SENP5: variants seen among roughly 807,000 people sequenced by gnomAD.
SENP5 encodes the protein SUMO specific peptidase 5, also known as sentrin-specific protease 5.
In SENP5, 21 loss-of-function variants were observed where a neutral mutation model predicts 74.2. That is an observed-to-expected ratio of 0.28 (90% CI 0.20 to 0.41). The LOEUF (loss-of-function observed/expected upper bound fraction) is 0.41. Ranked by LOEUF, SENP5 falls within the 10% of genes least tolerant of loss-of-function variation. SENP5 has a pLI of 1.00. For missense variants in SENP5, 717 were observed against 889.1 expected (o/e 0.81, Z 2.46); for synonymous variants, 311 against 312.7 (o/e 0.99, Z 0.06).
At chr3:196,915,095 C>G (rs1309702936) in intron 6 of SENP5, among the ~76,000 whole-genome samples, 1 of 152,244 alleles carries the variant, frequency 6.6e-6, no homozygotes, top group Non-Finnish European at 1.5e-5. Flanking sequence ...ACCTGAGTTG[C>G]AGCTAGTTCC....
intron 1 of SENP5, among the ~76,000 whole-genome samples, chr3:196,881,640 C>T (rs555128535): frequency 6.6e-6 from 1 of 151,880 alleles, no homozygotes; most frequent in East Asian, 1.9e-4. Flanking sequence ...TTTAAGAGGT[C>T]TATATATTAG....
chr3:196,931,957 C>T lies in SENP5; in HGVS notation c.*1034C>T, dbSNP rs1355309688. On this transcript the variant is annotated 3_prime_UTR_variant, in exon 10 of 10. Coordinates refer to ENST00000323460, the MANE Select transcript of SENP5 (RefSeq NM_152699.5). The stretch of plus-strand genomic sequence containing the variant: ...GAAGGTAATAGAGACAACTTAGTCC[C>T]ATGGGAGCGCAGCAACCGTGTCAGG... 1 of 451,712 alleles carries T rather than the reference C, an allele frequency of 2.2e-6. No homozygotes were observed. 28.0% of individuals were successfully genotyped at this position (451,712 alleles called of 1,614,324 possible). A position where few individuals can be genotyped will look rare whatever the true frequency, so the allele number is the denominator to read the frequency against.
intron 1 of SENP5, among the ~76,000 whole-genome samples, chr3:196,877,594 C>A (rs1204196515): frequency 6.6e-6 from 1 of 152,094 alleles, no homozygotes; most frequent in Non-Finnish European, 1.5e-5. Flanking sequence ...TAAATCACAG[C>A]AACCAATAGA....
Position 196,930,860 on chromosome 3 carries a change from A to C in SENP5, c.2205A>C (p.Glu735Asp). The C allele has an allele frequency of 1.1e-5, 17 of 1,614,116 alleles. No homozygotes were observed. The highest frequency in any genetic ancestry group is 1.4e-5 in the Non-Finnish European group (17 of 1,179,982). ...AGCAGCCTTTCCAGTTTTCACAAGAAGACATGCCCCGAGTGCGGAAGAGGA... is the reference window on the plus strand; with the variant it reads ...AGCAGCCTTTCCAGTTTTCACAAGACGACATGCCCCGAGTGCGGAAGAGGA... ...ALEQPFQFSQEDMPRVRKRIY... is the reference protein window; with the variant it reads ...ALEQPFQFSQDDMPRVRKRIY... Residue 735 changes from glutamate to aspartate, a missense_variant, in exon 10 of 10, where the codon GAA (glutamate) becomes GAC (aspartate). Around this residue, in one of 4 missense-constraint regions of SENP5, gnomAD observed 85 missense variants for 188.9 expected, o/e 0.45. Coordinates refer to ENST00000323460, the MANE Select transcript of SENP5 (RefSeq NM_152699.5).
intron 6 of SENP5, among the ~76,000 whole-genome samples, chr3:196,910,526 T>C (rs1715080250): frequency 6.6e-6 from 1 of 151,488 alleles, no homozygotes; most frequent in South Asian, 2.1e-4. Context: ...TTTTGTATTT[T>C]TAGTAGACAC....
intron 5 of SENP5, among the ~76,000 whole-genome samples, chr3:196,902,786 C>T (rs1475580043): frequency 1.3e-5 from 2 of 152,224 alleles, no homozygotes; most frequent in African/African-American, 4.8e-5. Flanking sequence ...ATACTCTGTA[C>T]AGCCAGGGTA....
At chr3:196,922,274 CA>C (rs1715647891) in intron 6 of SENP5, among the ~76,000 whole-genome samples, 2 of 152,126 alleles carry the variant, frequency 1.3e-5, no homozygotes, top group Non-Finnish European at 2.9e-5. Flanking sequence ...AATCAAGGTG[CA>C]AAGAAGCTAA....
intron 1 of SENP5, among the ~76,000 whole-genome samples, chr3:196,884,285 G>C (rs1015619745): frequency 2.6e-5 from 4 of 152,218 alleles, no homozygotes; most frequent in Non-Finnish European, 5.9e-5. Context: ...CTCACCCAGT[G>C]ATGGTTCTGG....
At chr3:196,889,965 C>G (rs1191527561) in intron 2 of SENP5, among the ~76,000 whole-genome samples, 1 of 152,162 alleles carries the variant, frequency 6.6e-6, no homozygotes, top group Non-Finnish European at 1.5e-5. Flanking sequence ...GTTATCAAGC[C>G]AAAATTCTAA....
chr3:196,928,912 G>C (rs372466778), intron 8 of SENP5, among the ~76,000 whole-genome samples: 1 of 152,128 alleles, frequency 6.6e-6, no homozygotes, highest in Admixed American at 6.5e-5. Context: ...ACTGTTGGCC[G>C]GGCACAGTGG....
At chr3:196,927,977 T>TA (rs1715878938) in intron 8 of SENP5, 98 bp downstream of exon 8, 2 of 694,768 alleles carry the variant, frequency 2.9e-6, no homozygotes, top group Admixed American at 2.7e-5. Context: ...GTGACAGAGA[T>TA]ACCAAGGAGA....
chr3:196,899,657 T>C lies in SENP5; in HGVS notation c.1514-9T>C. The C allele has an allele frequency of 6.4e-7, 1 of 1,558,880 alleles. No homozygotes were observed. Among genetic ancestry groups the C allele is most frequent in the African/African-American group, 1.4e-5 (1 of 73,564 alleles). On this transcript the variant is annotated splice_polypyrimidine_tract_variant and intron_variant, in intron 2 of 9. Transcript: ENST00000323460. ...TCCATCTTAACTTTTCTTTCTTCCT[T>C]TATTTAAGGATTCCTAGATGAGGTT...
At chr3:196,929,001 G>A (rs1715920093) in intron 8 of SENP5, among the ~76,000 whole-genome samples, 1 of 152,086 alleles carries the variant, frequency 6.6e-6, no homozygotes, top group Non-Finnish European at 1.5e-5. Flanking sequence ...ACCAGCCTGG[G>A]CAACATGGTG....
In SENP5 at chr3:196,890,968, A is replaced by G. The variant is rs1714176122; in HGVS notation, c.1513+4274A>G. Among the ~76,000 whole-genome samples the G allele has an allele frequency of 2.0e-5, 3 of 152,244 alleles. No homozygotes were observed. The South Asian group carries it at 6.2e-4, about 31-fold the overall frequency. ...TCCAGATGGATTAAAAGTTTGGCTA[A>G]TTAAAACCAAATACACAGAAATGTG... On this transcript the variant is annotated intron_variant, in intron 2 of 9. Coordinates refer to ENST00000323460, the MANE Select transcript of SENP5 (RefSeq NM_152699.5).
At chr3:196,885,079 C>T in intron 1 of SENP5, 72 bp from the exon 2 acceptor site, 2 of 838,854 alleles carry the variant, frequency 2.4e-6, no homozygotes, top group Non-Finnish European at 3.7e-6. Context: ...AATTTTCTGC[C>T]TTAGTTACTG....
intron 6 of SENP5, 90 bp downstream of exon 6, chr3:196,903,700 G>C (rs991072675): frequency 7.4e-6 from 5 of 678,762 alleles, no homozygotes; most frequent in Non-Finnish European, 9.9e-6. Context: ...ATGCCAATAC[G>C]ATGTTAAGTA....
chr3:196,879,995 G>C (rs1043583695), intron 1 of SENP5, among the ~76,000 whole-genome samples: 2 of 151,842 alleles, frequency 1.3e-5, no homozygotes, highest in Non-Finnish European at 2.9e-5. Context: ...GCCCAGGCTG[G>C]AGTGCAGTGG....
chr3:196,889,968 A>C (rs1714136355), intron 2 of SENP5, among the ~76,000 whole-genome samples: 1 of 152,206 alleles, frequency 6.6e-6, no homozygotes, highest in African/African-American at 2.4e-5. Flanking sequence ...ATCAAGCCAA[A>C]ATTCTAAGGA....
intron 6 of SENP5, among the ~76,000 whole-genome samples, chr3:196,906,821 T>C (rs1227657427): frequency 6.6e-6 from 1 of 152,156 alleles, no homozygotes; most frequent in Non-Finnish European, 1.5e-5. Flanking sequence ...ATTATCCACT[T>C]TGTAGTCTTT....
Sources: gnomAD v4.1 joint callset for allele counts (sites outside exome capture counted in the v4.1 genomes callset) on GRCh38, gnomAD v4.1.1 for gene constraint, gnomAD v4.1.1 regional missense constraint, MANE v1.5 for transcripts, NCBI Gene and HGNC (gene_info 2026-07-23, HGNC 2026-07-21) for gene names.